PDZD8: variants seen among roughly 807,000 people sequenced by gnomAD.
PDZD8 encodes the protein PDZ domain containing 8, also known as PDZ domain-containing protein 8.
Under a neutral mutation model 85.8 loss-of-function variants are expected in PDZD8, and 14 were observed. The observed-to-expected ratio is 0.16, with a 90% CI of 0.11 to 0.26. The LOEUF (loss-of-function observed/expected upper bound fraction) is 0.26, where lower values mean the gene tolerates loss of function less well. Ranked by LOEUF, PDZD8 falls within the 10% of genes least tolerant of loss-of-function variation. The pLI, the probability that PDZD8 is intolerant of heterozygous loss-of-function variation, is 1.00. For synonymous variants in PDZD8, 592 were observed against 568.6 expected (o/e 1.04, Z -0.59); for missense variants, 1,197 against 1,424.3 (o/e 0.84, Z 2.57).
chr10:117,340,019 A>C (rs1844583114), intron 2 of PDZD8, among the ~76,000 whole-genome samples: 1 of 152,194 alleles, frequency 6.6e-6, no homozygotes, highest in African/African-American at 2.4e-5. Context: ...GGACCAGAGG[A>C]CTAGGAGATA....
Position 117,285,397 on chromosome 10 carries a change from C to T in PDZD8, c.1336G>A (p.Glu446Lys). 6.2e-7 allele frequency: 1 copy of T among 1,614,104 alleles called. No individual in the cohort carries two copies. The highest frequency in any genetic ancestry group is 8.5e-7 in the Non-Finnish European group (1 of 1,179,998). The change falls in exon 5 of 5, where the codon GAA (glutamate) becomes AAA (lysine). Residue 446 changes from glutamate (E) to lysine (K), a missense_variant. This residue lies in a region of PDZD8 where 344 missense variants were observed against 453.6 expected (regional missense o/e 0.76). Transcript: ENST00000334464. The stretch of plus-strand genomic sequence containing the variant: ...TGATTACTCTGGCCAACAGGCCTTT[C>T]ATAGTACACCAGGACTCGGTCACCA... ...QAGDRVLVYYERPVGQSNQGA... is the reference protein window; with the variant it reads ...QAGDRVLVYYKRPVGQSNQGA...
chr10:117,288,682 T>C (rs1844708277), intron 4 of PDZD8, among the ~76,000 whole-genome samples: 1 of 152,094 alleles, frequency 6.6e-6, no homozygotes, highest in Non-Finnish European at 1.5e-5. Flanking sequence ...CTAATTTTCA[T>C]ATTTTCAGTA....
At chr10:117,290,523 T>C (rs1011305692) in intron 3 of PDZD8, among the ~76,000 whole-genome samples, 175 bp from the exon 4 acceptor site, 1 of 152,176 alleles carries the variant, frequency 6.6e-6, no homozygotes, top group African/African-American at 2.4e-5. Context: ...TAACTATCCT[T>C]AGGCTACACA....
chr10:117,312,575 G>A (rs1041508891), intron 3 of PDZD8, among the ~76,000 whole-genome samples: 1 of 152,074 alleles, frequency 6.6e-6, no homozygotes, highest in Non-Finnish European at 1.5e-5. Flanking sequence ...CTGGATTATC[G>A]AAGACCTTTT....
At chr10:117,361,758 T>A (rs1845002782) in intron 1 of PDZD8, among the ~76,000 whole-genome samples, 1 of 151,984 alleles carries the variant, frequency 6.6e-6, no homozygotes, top group African/African-American at 2.4e-5. Flanking sequence ...ACCCCAGATT[T>A]AAAAAAAAGA....
chr10:117,323,148 G>T (rs763540075), intron 2 of PDZD8, among the ~76,000 whole-genome samples: 1 of 152,128 alleles, frequency 6.6e-6, no homozygotes, highest in Non-Finnish European at 1.5e-5. Flanking sequence ...GAACAAGATC[G>T]TTCATCTAAG....
intron 1 of PDZD8, among the ~76,000 whole-genome samples, chr10:117,364,729 G>A (rs12263512): frequency 0.23 from 35,069 of 151,830 alleles, 4,708 homozygotes; most frequent in East Asian, 0.43. Context: ...AGTGAGAAGT[G>A]GTGACGAAAG....
Position 117,281,351 on chromosome 10 carries a change from C to CAAAAA in PDZD8, c.*1912_*1916dup, listed in dbSNP as rs57494461. 8.8e-6 allele frequency: 1 copy of CAAAAA among 113,936 alleles called. No individual in the cohort carries two copies. Among genetic ancestry groups the CAAAAA allele is most frequent in the African/African-American group, 3.9e-5 (1 of 25,884 alleles). 7.1% of individuals were successfully genotyped at this position (113,936 alleles called of 1,614,324 possible). On this transcript the variant is annotated 3_prime_UTR_variant, in exon 5 of 5. Transcript: ENST00000334464. ...CCTGGGAGACAGCGAGACTCTGTCT[C>CAAAAA]AAAAAAAAAAAAAAAAAAAAAAAAA...
intron 2 of PDZD8, among the ~76,000 whole-genome samples, chr10:117,321,257 G>C (rs760923887): frequency 6.6e-6 from 1 of 152,118 alleles, no homozygotes; most frequent in Non-Finnish European, 1.5e-5. Flanking sequence ...TCCATCAAAT[G>C]ATGAGTGGGA....
chr10:117,349,207 A>G (rs1844758341), intron 1 of PDZD8, among the ~76,000 whole-genome samples: 1 of 152,186 alleles, frequency 6.6e-6, no homozygotes, highest in African/African-American at 2.4e-5. Flanking sequence ...GAGAAAACCC[A>G]TTTGGGGCAG....
chr10:117,333,540 A>C (rs774758763), intron 2 of PDZD8, among the ~76,000 whole-genome samples: 2 of 152,238 alleles, frequency 1.3e-5, no homozygotes. Flanking sequence ...AGGTGGATTT[A>C]AGTTATATTC....
chr10:117,325,077 C>T (rs966727603), intron 2 of PDZD8, among the ~76,000 whole-genome samples: 1 of 152,134 alleles, frequency 6.6e-6, no homozygotes, highest in African/African-American at 2.4e-5. Flanking sequence ...GACCAGACAA[C>T]TTCAAGGAAT....
chr10:117,347,923 G>A (rs1425482576), intron 1 of PDZD8, among the ~76,000 whole-genome samples: 3 of 152,220 alleles, frequency 2.0e-5, no homozygotes, highest in African/African-American at 7.2e-5. Flanking sequence ...AAGTACATGA[G>A]GGGTTATTTA....
rs1362129375 is a variant in PDZD8 at position 117,284,067 on chromosome 10, G to A, written c.2666C>T (p.Ser889Phe). The A allele has an allele frequency of 6.2e-7, 1 of 1,614,138 alleles. No individual in the cohort carries two copies. The highest frequency in any genetic ancestry group is 1.1e-5 in the South Asian group (1 of 91,088). The change falls in exon 5 of 5, where the codon TCT (serine) becomes TTT (phenylalanine). Residue 889 changes from serine (S) to phenylalanine (F), a missense_variant. Transcript: ENST00000334464. ...TCGCCTATCAGTTGCTCCACAAACAGAAGTCTCAGCTAGACACTTTTCTTG... is the reference window on the plus strand; with the variant it reads ...TCGCCTATCAGTTGCTCCACAAACAAAAGTCTCAGCTAGACACTTTTCTTG... ...KCQEKCLAET[S>F]VCGATDRRID...
At chr10:117,315,392 C>T (rs969185582) in intron 3 of PDZD8, among the ~76,000 whole-genome samples, 3 of 151,810 alleles carry the variant, frequency 2.0e-5, no homozygotes, top group Non-Finnish European at 2.9e-5. Context: ...ACCAGGAGTT[C>T]GAGACCAGCC....
Position 117,329,967 on chromosome 10 carries a change from G to GGGAAGGAA in PDZD8, c.996-11001_996-10994dup, listed in dbSNP as rs1202100897. Among the ~76,000 whole-genome samples the GGGAAGGAA allele has an allele frequency of 4.8e-3, 277 of 57,146 alleles. 1 individual carries two copies. Among genetic ancestry groups the GGGAAGGAA allele is most frequent in the South Asian group, 9.2e-3 (8 of 872 alleles). 37.5% of individuals were successfully genotyped at this position (57,146 alleles called of 152,430 possible). A position where few individuals can be genotyped will look rare whatever the true frequency, so the allele number is the denominator to read the frequency against. ...TCTCAAGAAAGGAAGGAGGGAGGAA[G>GGGAAGGAA]GGAAGGAAGGAAGGAAGGAAGGAAG... On this transcript the variant is annotated intron_variant, in intron 2 of 4. Coordinates refer to ENST00000334464, the MANE Select transcript of PDZD8 (RefSeq NM_173791.5).
chr10:117,340,205 C>T (rs1402313606), intron 2 of PDZD8, among the ~76,000 whole-genome samples: 1 of 152,090 alleles, frequency 6.6e-6, no homozygotes, highest in Non-Finnish European at 1.5e-5. Flanking sequence ...TGAGTGTTTC[C>T]AATTATCACA....
At position 117,364,888 on chromosome 10, in the gene PDZD8, G is replaced by A. The variant is rs144025664; in HGVS notation, c.872+9468C>T. 3.8e-3 allele frequency among the ~76,000 whole-genome samples: 580 copies of A among 151,868 alleles called. 3 individuals are homozygous for A. The highest frequency in any genetic ancestry group is 7.0e-3 in the Non-Finnish European group (478 of 67,928). On this transcript the variant is annotated intron_variant, in intron 1 of 4. Coordinates refer to ENST00000334464, the MANE Select transcript of PDZD8 (RefSeq NM_173791.5). The stretch of plus-strand genomic sequence containing the variant: ...CATATTATAGTCTCATTTTACTAAG[G>A]GCAGAAGGAAGGAGGGAGTGAAAGT...
At chr10:117,349,134 G>A (rs964716819) in intron 1 of PDZD8, among the ~76,000 whole-genome samples, 5 of 152,190 alleles carry the variant, frequency 3.3e-5, no homozygotes, top group Admixed American at 1.3e-4. Flanking sequence ...TCCAAAAACA[G>A]TGGATCTAAG....
Sources: allele counts gnomAD v4.1 joint callset (sites outside exome capture counted in the v4.1 genomes callset), GRCh38; gene constraint gnomAD v4.1.1; regional missense constraint gnomAD v4.1.1; transcripts MANE v1.5; gene names NCBI Gene and HGNC (gene_info 2026-07-23, HGNC 2026-07-21).